Variants in PECR observed in about 807,000 individuals in gnomAD.
PECR encodes 2,4-dienoyl-CoA reductase-related protein.
Under a neutral mutation model 35.3 loss-of-function variants are expected in PECR, and 30 were observed. The observed-to-expected ratio is 0.85, with a 90% CI of 0.64 to 1.15. PECR has a LOEUF of 1.15. PECR is among the 50% of genes most tolerant of loss of function. The pLI is 0.00. For synonymous variants in PECR, 148 were observed against 138.9 expected (o/e 1.07, Z -0.46); for missense variants, 392 against 370.8 (o/e 1.06, Z -0.47).
rs538192302 is a variant in PECR at position 216,064,773 on chromosome 2, G to A, written c.424+539C>T. 7.2e-5 allele frequency among the ~76,000 whole-genome samples: 11 copies of A among 152,220 alleles called. No homozygotes were observed. The East Asian group carries it at 2.1e-3, about 29-fold the overall frequency. On this transcript the variant is annotated intron_variant, in intron 3 of 7. Coordinates refer to ENST00000265322, the MANE Select transcript of PECR (RefSeq NM_018441.6). ...TTGGCATGAAGACCCTTTGAGATAGGGTTGTACTTGTTCTGTATTTTTCAT... is the reference window on the plus strand; with the variant it reads ...TTGGCATGAAGACCCTTTGAGATAGAGTTGTACTTGTTCTGTATTTTTCAT...
intron 7 of PECR, chr2:216,032,779 T>C (rs565990926): frequency 1.3e-4 from 20 of 152,386 alleles, no homozygotes; most frequent in African/African-American, 4.3e-4. Context: ...CTAGTTTTGA[T>C]GTAGCATACC....
intron 7 of PECR, among the ~76,000 whole-genome samples, chr2:216,030,978 A>ACT (rs1288476653): frequency 1.3e-5 from 2 of 151,352 alleles, no homozygotes; most frequent in African/African-American, 4.9e-5. Context: ...ACACACACAC[A>ACT]CACACACACA....
At chr2:216,071,605 G>A (rs1695588881) in intron 1 of PECR, among the ~76,000 whole-genome samples, 1 of 152,130 alleles carries the variant, frequency 6.6e-6, no homozygotes, top group African/African-American at 2.4e-5. Flanking sequence ...CAGGGAACAA[G>A]CAATAGTTGT....
chr2:216,054,969 G>A (rs371809771), intron 4 of PECR, among the ~76,000 whole-genome samples: 19 of 151,978 alleles, frequency 1.3e-4, no homozygotes, highest in African/African-American at 3.4e-4. Flanking sequence ...AAAGTTAGCC[G>A]GGCATAGTGG....
At chr2:216,040,769 C>T (rs1039276701) in intron 7 of PECR, among the ~76,000 whole-genome samples, 8 of 151,966 alleles carry the variant, frequency 5.3e-5, no homozygotes, top group Non-Finnish European at 1.0e-4. Flanking sequence ...TACTCTGGAT[C>T]CTGAGGCAGG....
downstream of PECR, among the ~76,000 whole-genome samples, chr2:216,036,556 C>G (rs752996249): frequency 6.6e-6 from 1 of 152,232 alleles, no homozygotes; most frequent in Non-Finnish European, 1.5e-5. Flanking sequence ...ACATGACCCA[C>G]TGAGCGCCTG....
chr2:216,066,520 T>C lies in PECR; in HGVS notation c.125-2A>G. 4 of 1,613,790 alleles carry C rather than the reference T, an allele frequency of 2.5e-6. 1 individual carries two copies. Among genetic ancestry groups the C allele is most frequent in the South Asian group, 2.2e-5 (2 of 91,074 alleles). ...GGGATGCAATGACCACATTACTCCCTGAGGAGAAACAGCCAGAGAACAAAT... is the reference window on the plus strand; with the variant it reads ...GGGATGCAATGACCACATTACTCCCCGAGGAGAAACAGCCAGAGAACAAAT... On this transcript the variant is annotated splice_acceptor_variant, in intron 1 of 7. Transcript: ENST00000265322. LOFTEE classifies it high-confidence loss of function.
At chr2:216,076,620 TAAAACTCCATCTCTACTAAAAACACA>T (rs1047192367) in intron 1 of PECR, among the ~76,000 whole-genome samples, 14 of 152,038 alleles carry the variant, frequency 9.2e-5, no homozygotes, top group African/African-American at 3.4e-4. Context: ...GCCAACATAG[TAAAACTCCATCTCTACTAAAAACACA>T]AAAATTAGCC....
chr2:216,042,637 C>T (rs74628357), intron 7 of PECR, among the ~76,000 whole-genome samples: 3,061 of 152,210 alleles, frequency 0.02, 115 homozygotes, highest in African/African-American at 0.07. Context: ...AACTAGGATA[C>T]TGGACTTTGT....
At chr2:216,031,266 G>T (rs1343660079) in intron 7 of PECR, among the ~76,000 whole-genome samples, 1 of 151,834 alleles carries the variant, frequency 6.6e-6, no homozygotes, top group Non-Finnish European at 1.5e-5. Flanking sequence ...AATTAGCTGG[G>T]CATGGTGGTG....
intron 6 of PECR, among the ~76,000 whole-genome samples, chr2:216,046,323 T>TTTTTGTTTTG (rs1694994895): frequency 7.1e-6 from 1 of 140,222 alleles, no homozygotes; most frequent in African/African-American, 2.7e-5. Flanking sequence ...TTTTTTTTTT[T>TTTTTGTTTTG]TTTTTTTGAG....
chr2:216,051,597 C>G (rs1253684770), intron 4 of PECR, 52 bp from the exon 5 acceptor site: 1 of 1,135,570 alleles, frequency 8.8e-7, no homozygotes, highest in Non-Finnish European at 1.3e-6. Context: ...GAATATTTCT[C>G]TTGTTCATCA....
At chr2:216,033,991 G>C (rs1426529651), downstream of PECR, 1 of 152,166 alleles carries the variant, frequency 6.6e-6, no homozygotes, top group Non-Finnish European at 1.5e-5. Context: ...GAATCTTCCC[G>C]CTGGTTGATC....
rs1694845617 is a variant in PECR, at chr2:216,039,109, A to G, written c.*166T>C. On this transcript the variant is annotated 3_prime_UTR_variant, in exon 8 of 8. Coordinates refer to ENST00000265322, the MANE Select transcript of PECR (RefSeq NM_018441.6). ...TAGGTTAAAAGACTCTGATTGGGACATAAGACTGTATATATTTCAGGAATA... is the reference window on the plus strand; with the variant it reads ...TAGGTTAAAAGACTCTGATTGGGACGTAAGACTGTATATATTTCAGGAATA... The G allele has an allele frequency of 1.7e-6, 1 of 594,048 alleles. No individual in the cohort carries two copies. The highest frequency in any genetic ancestry group is 1.9e-5 in the African/African-American group (1 of 53,518). 36.8% of individuals were successfully genotyped at this position (594,048 alleles called of 1,614,324 possible). A position where few individuals can be genotyped will look rare whatever the true frequency, so the allele number is the denominator to read the frequency against.
chr2:216,035,162 C>T (rs1005871930), downstream of PECR, among the ~76,000 whole-genome samples: 1 of 152,200 alleles, frequency 6.6e-6, no homozygotes. Context: ...CCTGAGCCAG[C>T]GGGCTCTGAA....
Position 216,039,140 on chromosome 2 carries a change from T to C in PECR, c.*135A>G. 1 of 654,728 alleles carries C rather than the reference T, an allele frequency of 1.5e-6. No individual in the cohort carries two copies. The highest frequency in any genetic ancestry group is 2.9e-5 in the East Asian group (1 of 34,902). 40.6% of individuals were successfully genotyped at this position (654,728 alleles called of 1,614,324 possible). ...CTGTATATATTTCAGGAATAGTTTT[T>C]CCATAGATATAATTAATAACACTTA... On this transcript the variant is annotated 3_prime_UTR_variant, in exon 8 of 8. Transcript: ENST00000265322.
Position 216,066,429 on chromosome 2 carries a change from C to A in PECR, c.214G>T (p.Ala72Ser). 1 of 1,613,630 alleles carries A rather than the reference C, an allele frequency of 6.2e-7. No homozygotes were observed. Among genetic ancestry groups the A allele is most frequent in the Non-Finnish European group, 8.5e-7 (1 of 1,179,516 alleles). Residue 72 changes from alanine to serine, a missense_variant, in exon 2 of 8, where the codon GCA becomes TCA. Transcript: ENST00000265322. ...TTGCATTGTATGGGAATGACTCGTG[C>A]CTGCTTTGTGGGAGGTAGGTTGGCC... ...LQANLPPTKQ[A>S]RVIPIQCNIR...
intron 7 of PECR, among the ~76,000 whole-genome samples, chr2:216,031,607 GGAA>G (rs1694701794): frequency 8.0e-6 from 1 of 125,066 alleles, no homozygotes; most frequent in Non-Finnish European, 1.7e-5. Flanking sequence ...AAGGAAAGAA[GGAA>G]GAAAAGAAAG....
intron 1 of PECR, among the ~76,000 whole-genome samples, chr2:216,068,654 T>G (rs1003203900): frequency 6.6e-6 from 1 of 152,094 alleles, no homozygotes; most frequent in South Asian, 2.1e-4. Context: ...GTGTGTTTGT[T>G]TTTGAGACAG....
Sources: allele counts gnomAD v4.1 joint callset (sites outside exome capture counted in the v4.1 genomes callset), GRCh38; gene constraint gnomAD v4.1.1; transcripts MANE v1.5; gene names NCBI Gene and HGNC (gene_info 2026-07-23, HGNC 2026-07-21).